Variants in CHRM3 observed in about 807,000 individuals in gnomAD.
The protein encoded by CHRM3 is muscarinic acetylcholine receptor M3.
A neutral mutation model predicts 41.8 loss-of-function variants in CHRM3; 11 were observed. The observed-to-expected ratio is 0.26, with a 90% CI of 0.17 to 0.44. CHRM3 has a LOEUF of 0.44. Ranked by LOEUF, CHRM3 falls within the 20% of genes least tolerant of loss-of-function variation. The probability of loss-of-function intolerance (pLI) is 1.00; values close to 1 mark genes in which losing one functional copy is unlikely to be tolerated. For synonymous variants in CHRM3, 297 were observed against 301.4 expected, an observed-to-expected ratio of 0.99 and a Z score of 0.15; for missense variants, 571 against 745.4, an observed-to-expected ratio of 0.77 and a Z score of 2.72.
intron 5 of CHRM3, among the ~76,000 whole-genome samples, chr1:239,808,826 C>G (rs1670873930): frequency 6.6e-6 from 1 of 152,148 alleles, no homozygotes; most frequent in Non-Finnish European, 1.5e-5. Context: ...GAAACGACTG[C>G]TTGTATTGGT....
chr1:239,519,013 T>C (rs1376183344), intron 2 of CHRM3, among the ~76,000 whole-genome samples: 2 of 152,210 alleles, frequency 1.3e-5, no homozygotes, highest in Non-Finnish European at 2.9e-5. Context: ...ACTTCCTCTT[T>C]CCAGACACCT....
chr1:239,484,431 G>A (rs886906472), intron 1 of CHRM3, among the ~76,000 whole-genome samples: 3 of 152,096 alleles, frequency 2.0e-5, no homozygotes, highest in Admixed American at 2.0e-4. Context: ...CTCCCACCAG[G>A]CCCCACCTCC....
At chr1:239,403,976 G>GGAGAGAGATAGAGAGAGA (rs1660205329) in intron 1 of CHRM3, among the ~76,000 whole-genome samples, 1 of 46,488 alleles carries the variant, frequency 2.2e-5, no homozygotes, top group Non-Finnish European at 3.9e-5. Context: ...AGAGGGAGGG[G>GGAGAGAGATAGAGAGAGA]GAGAGAGAGA....
At chr1:239,589,219 C>T (rs890273347) in intron 3 of CHRM3, among the ~76,000 whole-genome samples, 20 of 152,104 alleles carry the variant, frequency 1.3e-4, no homozygotes, top group African/African-American at 4.3e-4. Context: ...CAGGCGTGAG[C>T]CACTGTGCCC....
chr1:239,557,581 C>G (rs1367379568), intron 3 of CHRM3, among the ~76,000 whole-genome samples: 1 of 152,094 alleles, frequency 6.6e-6, no homozygotes, highest in Non-Finnish European at 1.5e-5. Context: ...CAACCAATCA[C>G]CTAGGTATTA....
At chr1:239,404,719 A>AATATATATATATATATATATAT (rs67746016) in intron 1 of CHRM3, among the ~76,000 whole-genome samples, 2 of 97,340 alleles carry the variant, frequency 2.1e-5, no homozygotes, top group Non-Finnish European at 4.0e-5. Flanking sequence ...GCTATATCTA[A>AATATATATATATATATATATAT]ATATATATAT....
At chr1:239,552,394 T>C (rs1169314856) in intron 3 of CHRM3, among the ~76,000 whole-genome samples, 2 of 147,546 alleles carry the variant, frequency 1.4e-5, no homozygotes, top group Non-Finnish European at 3.0e-5. Flanking sequence ...TAGATATGTA[T>C]CATATTTTAT....
At chr1:239,543,068 T>A (rs1247422223) in intron 2 of CHRM3, among the ~76,000 whole-genome samples, 2 of 152,198 alleles carry the variant, frequency 1.3e-5, no homozygotes, top group African/African-American at 2.4e-5. Flanking sequence ...ATCATCACCT[T>A]TCTTAGGCCT....
chr1:239,821,958 C>A (rs1044378515), intron 5 of CHRM3, among the ~76,000 whole-genome samples: 1 of 152,168 alleles, frequency 6.6e-6, no homozygotes, highest in Non-Finnish European at 1.5e-5. Context: ...GCACTCACTA[C>A]GTCCTGCCAC....
chr1:239,766,868 T>C (rs1667269045), intron 5 of CHRM3, among the ~76,000 whole-genome samples: 1 of 152,060 alleles, frequency 6.6e-6, no homozygotes, highest in African/African-American at 2.4e-5. Flanking sequence ...CACGCCACCA[T>C]GCCTGGCTAA....
At chr1:239,717,416 C>T (rs1245267131) in intron 5 of CHRM3, among the ~76,000 whole-genome samples, 2 of 151,970 alleles carry the variant, frequency 1.3e-5, no homozygotes, top group Non-Finnish European at 2.9e-5. Context: ...TAATAGACAA[C>T]TCTCTCAGCA....
intron 5 of CHRM3, among the ~76,000 whole-genome samples, chr1:239,733,887 C>A (rs1258608551): frequency 6.6e-6 from 1 of 151,976 alleles, no homozygotes; most frequent in African/African-American, 2.4e-5. Flanking sequence ...AATATATCAT[C>A]TTTTATGCTT....
chr1:239,914,450 A>G lies in CHRM3; in HGVS notation c.*5226A>G, dbSNP rs1680539054. 1 of 167,118 alleles carries G rather than the reference A, an allele frequency of 6.0e-6. No homozygotes were observed. Among genetic ancestry groups the G allele is most frequent in the African/African-American group, 2.4e-5 (1 of 41,482 alleles). 10.4% of individuals were successfully genotyped at this position (167,118 alleles called of 1,614,324 possible). On this transcript the variant is annotated 3_prime_UTR_variant, in exon 7 of 7. Transcript: ENST00000676153. Reference sequence around the variant, plus strand: ...GGCTGGGAAGTGGAAAGTGTTCACAAACATGATGCTTATCTAATAAAATAT... The same window carrying G: ...GGCTGGGAAGTGGAAAGTGTTCACAGACATGATGCTTATCTAATAAAATAT...
At chr1:239,610,985 A>G (rs1173435011) in intron 3 of CHRM3, among the ~76,000 whole-genome samples, 2 of 152,124 alleles carry the variant, frequency 1.3e-5, no homozygotes, top group East Asian at 3.9e-4. Flanking sequence ...CGGGAGGTAG[A>G]GGTTGCAGTG....
At chr1:239,693,227 C>T (rs1224717293) in intron 5 of CHRM3, among the ~76,000 whole-genome samples, 1 of 152,128 alleles carries the variant, frequency 6.6e-6, no homozygotes, top group East Asian at 1.9e-4. Context: ...TTCTTAGACT[C>T]TTCAGAGTAT....
chr1:239,407,309 G>C (rs1278720787), intron 1 of CHRM3, among the ~76,000 whole-genome samples: 1 of 151,646 alleles, frequency 6.6e-6, no homozygotes, highest in Non-Finnish European at 1.5e-5. Flanking sequence ...TTTCTTCATA[G>C]CATCTGTCAC....
chr1:239,786,588 C>T (rs1204187770), intron 5 of CHRM3, among the ~76,000 whole-genome samples: 1 of 152,144 alleles, frequency 6.6e-6, no homozygotes, highest in African/African-American at 2.4e-5. Flanking sequence ...ATGAGCCTTA[C>T]CTAAGCAGCT....
chr1:239,527,626 G>A (rs1010213941), intron 2 of CHRM3, among the ~76,000 whole-genome samples: 2 of 134,502 alleles, frequency 1.5e-5, no homozygotes, highest in Admixed American at 7.4e-5. Flanking sequence ...GTGAAGCTCT[G>A]AGCCCCCACA....
rs543074841 is a variant in CHRM3 at position 239,474,799 on chromosome 1, T to A, written c.-520-17910T>A. Among the ~76,000 whole-genome samples the A allele has an allele frequency of 4.6e-5, 7 of 152,210 alleles. No homozygotes were observed. The South Asian group carries it at 1.5e-3, about 32-fold the overall frequency. ...AAGAACCTATTTAAAACAAACAAAC[T>A]AACTACCCTTCCAAAAATTATCTGA... On this transcript the variant is annotated intron_variant, in intron 1 of 6. Transcript: ENST00000676153.
Sources: allele counts gnomAD v4.1 joint callset (sites outside exome capture counted in the v4.1 genomes callset), GRCh38; gene constraint gnomAD v4.1.1; transcripts MANE v1.5; gene names NCBI Gene and HGNC (gene_info 2026-07-23, HGNC 2026-07-21).